ASH1L: variants seen among roughly 807,000 people sequenced by gnomAD.
ASH1L encodes ASH1 like histone lysine methyltransferase.
In ASH1L, 23 loss-of-function variants were observed where a neutral mutation model predicts 269.0. That is an observed-to-expected ratio of 0.09 (90% confidence interval 0.06 to 0.12). ASH1L has a LOEUF of 0.12. Ranked by LOEUF, ASH1L falls within the 10% of genes least tolerant of loss-of-function variation. The pLI, the probability that ASH1L is intolerant of heterozygous loss-of-function variation, is 1.00. For synonymous variants in ASH1L, 1,187 were observed against 1,253.5 expected (o/e 0.95, Z 1.12); for missense variants, 2,912 against 3,567.8 (o/e 0.82, Z 4.68).
chr1:155,492,311 G>A (rs1262758990), intron 2 of ASH1L, among the ~76,000 whole-genome samples: 1 of 152,106 alleles, frequency 6.6e-6, no homozygotes, highest in Non-Finnish European at 1.5e-5. Context: ...CCAAAGTGCT[G>A]GGATTACAGG....
intron 1 of ASH1L, among the ~76,000 whole-genome samples, chr1:155,553,805 T>TC (rs574947233): frequency 6.5e-4 from 99 of 152,176 alleles, no homozygotes; most frequent in African/African-American, 2.3e-3. Flanking sequence ...ATTAGAATTT[T>TC]TTTTTTTTTT....
At chr1:155,545,848 CCATCTCCATTAAAAA>C in intron 1 of ASH1L, among the ~76,000 whole-genome samples, 1 of 151,872 alleles carries the variant, frequency 6.6e-6, no homozygotes, top group Non-Finnish European at 1.5e-5. Flanking sequence ...TAGTGAAACC[CCATCTCCATTAAAAA>C]CATAAAAATT....
intron 12 of ASH1L, among the ~76,000 whole-genome samples, chr1:155,362,165 A>G (rs891789659): frequency 6.6e-6 from 1 of 151,986 alleles, no homozygotes; most frequent in African/African-American, 2.4e-5. Context: ...CTTCCTGAGT[A>G]GCTGGAATAT....
rs966940093 is a variant in ASH1L, at chr1:155,426,231, A to AT, written c.5829-10309dup. On this transcript the variant is annotated intron_variant, in intron 5 of 27. Coordinates refer to ENST00000392403, the MANE Select transcript of ASH1L (RefSeq NM_018489.3). ...AGGAGTGTGCCATCATGCCCGGCTA[A>AT]TTTTTTTTTTTGTATTTTAGTAGAG... 1.7e-3 allele frequency among the ~76,000 whole-genome samples: 254 copies of AT among 146,634 alleles called. 3 individuals are homozygous for AT. The East Asian group carries it at 0.036, about 21-fold the overall frequency.
intron 5 of ASH1L, among the ~76,000 whole-genome samples, chr1:155,420,516 A>G (rs1190958705): frequency 6.6e-6 from 1 of 151,804 alleles, no homozygotes; most frequent in East Asian, 1.9e-4. Flanking sequence ...AAATCTAACA[A>G]ATACATGCAG....
At chr1:155,503,586 C>A (rs915496569) in intron 2 of ASH1L, among the ~76,000 whole-genome samples, 2 of 152,148 alleles carry the variant, frequency 1.3e-5, no homozygotes, top group African/African-American at 4.8e-5. Flanking sequence ...AATCAGTATT[C>A]TCTCAATTTA....
chr1:155,534,819 T>C (rs563819026), intron 1 of ASH1L, among the ~76,000 whole-genome samples: 100 of 152,338 alleles, frequency 6.6e-4, no homozygotes, highest in Non-Finnish European at 1.1e-3. Flanking sequence ...ACAATTCTTT[T>C]TCTTTTTAGA....
rs1322499992 is a variant in ASH1L, at chr1:155,380,099, T to G, written c.6121A>C (p.Lys2041Gln). Residue 2041 changes from lysine to glutamine, a missense_variant, in exon 8 of 28, where the codon AAG becomes CAG. This residue lies in a region of ASH1L where 193 missense variants were observed against 311.6 expected (regional missense o/e 0.62). Coordinates refer to ENST00000392403, the MANE Select transcript of ASH1L (RefSeq NM_018489.3). ...TAAGGAAGCTGGAAGTCAATTCTCTTTTGTCTTAGATACTTTCCTGAAACA... is the reference window on the plus strand; with the variant it reads ...TAAGGAAGCTGGAAGTCAATTCTCTGTTGTCTTAGATACTTTCCTGAAACA... The part of the protein sequence containing the change: ...PIHVGKYLRQ[K>Q]RIDFQLPYDI... 4.3e-6 allele frequency: 7 copies of G among 1,613,050 alleles called. No individual in the cohort carries two copies. Among genetic ancestry groups the G allele is most frequent in the Non-Finnish European group, 5.9e-6 (7 of 1,179,200 alleles).
chr1:155,490,457 C>CA lies in ASH1L; in HGVS notation c.421-8009dup, dbSNP rs531166077. Among the ~76,000 whole-genome samples, 785 of 132,278 alleles carry CA rather than the reference C, an allele frequency of 5.9e-3. 4 individuals carry two copies. Among genetic ancestry groups the CA allele is most frequent in the South Asian group, 0.024 (102 of 4,222 alleles). 86.8% of individuals were successfully genotyped at this position (132,278 alleles called of 152,430 possible). On this transcript the variant is annotated intron_variant, in intron 2 of 27. Coordinates refer to ENST00000392403, the MANE Select transcript of ASH1L (RefSeq NM_018489.3). Reference sequence around the variant, plus strand: ...TGAAACCCCATCTCTACTAAAAATACAAAAAAAAAAAATCCAGCTGGAAGT... The same window carrying CA: ...TGAAACCCCATCTCTACTAAAAATACAAAAAAAAAAAAATCCAGCTGGAAGT...
chr1:155,433,391 G>A (rs770815766), intron 5 of ASH1L: 10 of 1,604,802 alleles, frequency 6.2e-6, no homozygotes, highest in Non-Finnish European at 8.5e-6. Context: ...TGAGTTCTGT[G>A]GGGGGATGGC....
chr1:155,421,602 C>T (rs1158092030), intron 5 of ASH1L, among the ~76,000 whole-genome samples: 3 of 150,288 alleles, frequency 2.0e-5, no homozygotes, highest in South Asian at 2.1e-4. Context: ...ACCCGGGAGG[C>T]AGAGGTTGCA....
intron 2 of ASH1L, among the ~76,000 whole-genome samples, chr1:155,487,709 G>A (rs1666424129): frequency 6.6e-6 from 1 of 151,708 alleles, no homozygotes; most frequent in South Asian, 2.1e-4. Flanking sequence ...CTGAATGTTG[G>A]TTGTCCCATA....
intron 10 of ASH1L, among the ~76,000 whole-genome samples, chr1:155,374,754 A>G (rs1656279825): frequency 6.6e-6 from 1 of 151,986 alleles, no homozygotes; most frequent in Non-Finnish European, 1.5e-5. Context: ...TTTTCTAGAG[A>G]GCTGATCTAT....
Position 155,479,318 on chromosome 1 carries a change from A to T in ASH1L, c.3552T>A (p.Thr1184=), listed in dbSNP as rs777242307. The T allele has an allele frequency of 6.2e-7, 1 of 1,614,130 alleles. No individual in the cohort carries two copies. The highest frequency in any genetic ancestry group is 1.1e-5 in the South Asian group (1 of 91,084). ...LSELTSLKEA[T]PSPISESHSD... Reference sequence around the variant, plus strand: ...TATGAGACTCACTGATTGGGGAAGGAGTAGCTTCTTTTAGAGATGTGAGTT... The same window carrying T: ...TATGAGACTCACTGATTGGGGAAGGTGTAGCTTCTTTTAGAGATGTGAGTT... Residue 1184 remains threonine (T), a synonymous_variant, in exon 3 of 28, where the codon ACT becomes ACA. Coordinates refer to ENST00000392403, the MANE Select transcript of ASH1L (RefSeq NM_018489.3).
At chr1:155,408,926 AAAAC>A (rs1412111175) in intron 6 of ASH1L, among the ~76,000 whole-genome samples, 1 of 152,006 alleles carries the variant, frequency 6.6e-6, no homozygotes, top group African/African-American at 2.4e-5. Flanking sequence ...AAAACAAAAC[AAAAC>A]AAACAGAGAG....
chr1:155,554,227 G>A (rs1368648790), intron 1 of ASH1L, among the ~76,000 whole-genome samples: 1 of 151,894 alleles, frequency 6.6e-6, no homozygotes, highest in East Asian at 1.9e-4. Context: ...TGGGACCACA[G>A]GTGGATGCCA....
chr1:155,372,240 C>T (rs1007478818), intron 10 of ASH1L, among the ~76,000 whole-genome samples: 15 of 151,856 alleles, frequency 9.9e-5, no homozygotes, highest in Non-Finnish European at 1.0e-4. Context: ...GATCCACCCA[C>T]CTCAGCCTCC....
chr1:155,459,476 G>A (rs1332458704), intron 4 of ASH1L, among the ~76,000 whole-genome samples: 3 of 152,176 alleles, frequency 2.0e-5, no homozygotes, highest in Admixed American at 1.3e-4. Context: ...GATTATAGGC[G>A]TAAGCCACAG....
chr1:155,457,438 G>C (rs2148667227), intron 4 of ASH1L, among the ~76,000 whole-genome samples: 1 of 152,286 alleles, frequency 6.6e-6, no homozygotes, highest in East Asian at 1.9e-4. Context: ...CTATTTCATG[G>C]TTTTGTGCCT....
Sources: allele counts gnomAD v4.1 joint callset (sites outside exome capture counted in the v4.1 genomes callset), GRCh38; gene constraint gnomAD v4.1.1; regional missense constraint gnomAD v4.1.1; transcripts MANE v1.5; gene names NCBI Gene and HGNC (gene_info 2026-07-23, HGNC 2026-07-21).